Variants in KLHL1 observed in about 807,000 individuals in gnomAD.
The protein encoded by KLHL1 is kelch-like protein 1.
Under a neutral mutation model 77.7 loss-of-function variants are expected in KLHL1, and 47 were observed. That is an observed-to-expected ratio of 0.60 (90% CI 0.48 to 0.77). The LOEUF (loss-of-function observed/expected upper bound fraction) is 0.77, where lower values mean the gene tolerates loss of function less well. Among genes scored for constraint, KLHL1 ranks in the 30% least tolerant of loss-of-function variants. The pLI is 0.00. For missense variants in KLHL1, 925 were observed against 910.8 expected (o/e 1.02, Z -0.20); for synonymous variants, 360 against 325.2 (o/e 1.11, Z -1.15).
At chr13:69,857,579 A>G (rs1251479233) in intron 5 of KLHL1, among the ~76,000 whole-genome samples, 2 of 152,052 alleles carry the variant, frequency 1.3e-5, no homozygotes, top group South Asian at 2.1e-4. Flanking sequence ...GTATCCCTAT[A>G]CTTGATTTAA....
At chr13:69,860,774 A>G (rs1880121362) in intron 5 of KLHL1, among the ~76,000 whole-genome samples, 1 of 151,942 alleles carries the variant, frequency 6.6e-6, no homozygotes, top group South Asian at 2.1e-4. Context: ...AGATAATAAA[A>G]ACAATGTGTT....
chr13:70,073,539 C>G (rs1887186966), intron 1 of KLHL1, among the ~76,000 whole-genome samples: 1 of 134,612 alleles, frequency 7.4e-6, no homozygotes, highest in Non-Finnish European at 1.6e-5. Flanking sequence ...CACATGTACC[C>G]TAAAACTTAA....
At chr13:69,790,335 G>T (rs891209866) in intron 7 of KLHL1, among the ~76,000 whole-genome samples, 7 of 152,170 alleles carry the variant, frequency 4.6e-5, no homozygotes, top group African/African-American at 1.4e-4. Flanking sequence ...AGAACAGTGA[G>T]GTTTAAATAT....
chr13:69,829,107 C>T (rs1016444119), intron 6 of KLHL1, among the ~76,000 whole-genome samples: 2 of 150,576 alleles, frequency 1.3e-5, no homozygotes, highest in Non-Finnish European at 2.9e-5. Flanking sequence ...AGTTCCACCT[C>T]CTGGCTGGAG....
intron 2 of KLHL1, among the ~76,000 whole-genome samples, chr13:69,962,376 T>A (rs927022834): frequency 1.3e-5 from 2 of 152,082 alleles, no homozygotes; most frequent in African/African-American, 4.8e-5. Context: ...TTTTTACATT[T>A]AGGTAGATGA....
At chr13:70,068,239 G>A (rs1887058179) in intron 1 of KLHL1, among the ~76,000 whole-genome samples, 1 of 152,056 alleles carries the variant, frequency 6.6e-6, no homozygotes, top group Non-Finnish European at 1.5e-5. Context: ...TACTCGGGAG[G>A]CTGAGGCAGG....
intron 5 of KLHL1, among the ~76,000 whole-genome samples, chr13:69,878,960 A>G (rs1010307761): frequency 6.6e-6 from 1 of 152,146 alleles, no homozygotes; most frequent in African/African-American, 2.4e-5. Context: ...AGGGACATGG[A>G]TGAAGCTGGA....
At chr13:69,907,512 T>C (rs1455692433) in intron 4 of KLHL1, among the ~76,000 whole-genome samples, 5 of 151,996 alleles carry the variant, frequency 3.3e-5, no homozygotes, top group Admixed American at 6.6e-5. Flanking sequence ...AGATTATGAA[T>C]AGCTGTTTTA....
chr13:69,761,958 G>A (rs1875043921), intron 7 of KLHL1, among the ~76,000 whole-genome samples: 1 of 152,122 alleles, frequency 6.6e-6, no homozygotes, highest in African/African-American at 2.4e-5. Flanking sequence ...CATAATTGTT[G>A]AAAGATAATC....
At chr13:69,991,116 G>A (rs1484102112) in intron 1 of KLHL1, among the ~76,000 whole-genome samples, 1 of 151,870 alleles carries the variant, frequency 6.6e-6, no homozygotes, top group Non-Finnish European at 1.5e-5. Context: ...TGAGAACAAA[G>A]GTACAACATA....
In KLHL1 at chr13:69,797,034, A is replaced by C. The variant is rs147059378; in HGVS notation, c.1415-72T>G. ...CAAACAGCCTGCCAAAGCAGGGTAC[A>C]AATTAGGATGTGAAAACACTCTTGT... On this transcript the variant is annotated intron_variant, in intron 6 of 10. Coordinates refer to ENST00000377844, the MANE Select transcript of KLHL1 (RefSeq NM_020866.3). The C allele has an allele frequency of 1.3e-3, 1,568 of 1,247,252 alleles. 14 individuals carry two copies. The African/African-American group carries it at 0.021, about 17-fold the overall frequency. 77.3% of individuals were successfully genotyped at this position (1,247,252 alleles called of 1,614,324 possible).
intron 2 of KLHL1, among the ~76,000 whole-genome samples, chr13:69,968,779 T>C (rs1014431805): frequency 3.3e-5 from 5 of 152,092 alleles, no homozygotes; most frequent in African/African-American, 1.2e-4. Flanking sequence ...TAGTATTCCA[T>C]GGTGTATATG....
chr13:69,855,333 TAGATAGATAGATAGACAGAC>T (rs796664860), intron 5 of KLHL1, among the ~76,000 whole-genome samples: 3,544 of 97,902 alleles, frequency 0.036, 66 homozygotes, highest in East Asian at 0.1. Flanking sequence ...GATAGATAGA[TAGATAGATAGATAGACAGAC>T]AGATAGATAC....
intron 1 of KLHL1, among the ~76,000 whole-genome samples, chr13:70,002,346 A>AG (rs1057500011): frequency 1.3e-5 from 2 of 151,780 alleles, no homozygotes; most frequent in East Asian, 3.9e-4. Flanking sequence ...ATGTATGAAT[A>AG]GATTAGGAAA....
chr13:70,055,316 A>T (rs994086157), intron 1 of KLHL1, among the ~76,000 whole-genome samples: 2 of 152,170 alleles, frequency 1.3e-5, no homozygotes, highest in African/African-American at 4.8e-5. Flanking sequence ...ATCCTAAAAA[A>T]GTATATAATT....
Position 69,769,454 on chromosome 13 carries a change from C to T in KLHL1, c.1639+27284G>A, listed in dbSNP as rs373346792. On this transcript the variant is annotated intron_variant, in intron 7 of 10. Transcript: ENST00000377844. ...AATTCCTAGGCAGACAGGGATGGGT[C>T]CCTGGTGAAACCCAACCTTCAAGCC... Among the ~76,000 whole-genome samples the T allele has an allele frequency of 3.7e-4, 56 of 152,186 alleles. 1 individual carries two copies. In the South Asian group the frequency reaches 0.012, roughly 32 times the overall value.
chr13:69,730,142 G>A (rs564257530), intron 8 of KLHL1, among the ~76,000 whole-genome samples: 3 of 152,186 alleles, frequency 2.0e-5, no homozygotes, highest in African/African-American at 7.2e-5. Flanking sequence ...GATTAAGATT[G>A]GAGAATATTT....
intron 6 of KLHL1, among the ~76,000 whole-genome samples, chr13:69,819,217 G>T (rs758138630): frequency 1.3e-5 from 2 of 152,128 alleles, no homozygotes; most frequent in Non-Finnish European, 2.9e-5. Flanking sequence ...ATGATGAGAT[G>T]AATTCAGGAT....
chr13:69,731,152 A>G, intron 8 of KLHL1, among the ~76,000 whole-genome samples: 1 of 152,168 alleles, frequency 6.6e-6, no homozygotes, highest in East Asian at 1.9e-4. Context: ...TATTAAATAT[A>G]TACATTTTCT....
Sources: allele counts gnomAD v4.1 joint callset (sites outside exome capture counted in the v4.1 genomes callset), GRCh38; gene constraint gnomAD v4.1.1; transcripts MANE v1.5; gene names NCBI Gene and HGNC (gene_info 2026-07-23, HGNC 2026-07-21).